Variants in PHKB observed in about 807,000 individuals in gnomAD.
The protein encoded by PHKB is phosphorylase kinase regulatory subunit beta.
PHKB carries 122 observed loss-of-function variants against 152.1 expected under a neutral mutation model. That is an observed-to-expected ratio of 0.80 (90% CI 0.69 to 0.93). The LOEUF (loss-of-function observed/expected upper bound fraction) is 0.93. Ranked by LOEUF, PHKB falls within the 40% of genes least tolerant of loss-of-function variation. PHKB has a pLI of 0.00. For missense variants in PHKB, 1,304 were observed against 1,328.4 expected (o/e 0.98, Z 0.29); for synonymous variants, 436 against 464.9 (o/e 0.94, Z 0.80).
chr16:47,592,927 C>T (rs563674975), intron 10 of PHKB, among the ~76,000 whole-genome samples: 47 of 152,196 alleles, frequency 3.1e-4, no homozygotes, highest in African/African-American at 1.1e-3. Flanking sequence ...TGACATATCG[C>T]CTAACTATAG....
At chr16:47,612,024 G>A (rs1191723195) in intron 14 of PHKB, among the ~76,000 whole-genome samples, 2 of 152,180 alleles carry the variant, frequency 1.3e-5, no homozygotes, top group Non-Finnish European at 2.9e-5. Context: ...GGAAGGAATA[G>A]TTTTTAAATT....
chr16:47,669,175 T>A (rs1471348591), intron 25 of PHKB, 40 bp from the exon 26 acceptor site: 2 of 1,489,178 alleles, frequency 1.3e-6, no homozygotes, highest in Non-Finnish European at 1.9e-6. Flanking sequence ...TATCTTTTAG[T>A]AGCTAGGAGA....
At chr16:47,663,814 A>G in intron 24 of PHKB, 80 bp downstream of exon 24, 1 of 856,522 alleles carries the variant, frequency 1.2e-6, no homozygotes, top group Non-Finnish European at 2.0e-6. Context: ...GACCAATATT[A>G]AAGATAGTTA....
intron 10 of PHKB, among the ~76,000 whole-genome samples, chr16:47,591,240 C>G (rs1196629112): frequency 1.3e-5 from 2 of 152,126 alleles, no homozygotes; most frequent in Non-Finnish European, 2.9e-5. Flanking sequence ...CTTCCTCAGC[C>G]CTTTCCCTGT....
intron 20 of PHKB, among the ~76,000 whole-genome samples, chr16:47,656,889 C>T (rs554331287): frequency 1.3e-5 from 2 of 152,284 alleles, no homozygotes; most frequent in South Asian, 4.1e-4. Flanking sequence ...GCTAGCCATG[C>T]TTTCCATGCC....
At chr16:47,462,987 T>A (rs2151624355) in intron 1 of PHKB, 1 of 152,752 alleles carries the variant, frequency 6.5e-6, no homozygotes, top group South Asian at 2.1e-4. Context: ...ATTGTTTTTG[T>A]GTGATATAGA....
At chr16:47,538,443 G>T (rs796604221) in intron 6 of PHKB, among the ~76,000 whole-genome samples, 11 of 152,324 alleles carry the variant, frequency 7.2e-5, no homozygotes, top group African/African-American at 2.6e-4. Context: ...TGGGTGAAGA[G>T]ATTCTGGAAT....
chr16:47,539,735 A>G (rs1305418024), intron 6 of PHKB, among the ~76,000 whole-genome samples: 1 of 152,182 alleles, frequency 6.6e-6, no homozygotes, highest in Non-Finnish European at 1.5e-5. Flanking sequence ...TGAAGATTTC[A>G]TGGGCATTTA....
In PHKB at chr16:47,650,652, C is replaced by T. The variant is rs374028170; in HGVS notation, c.1880+26C>T. On this transcript the variant is annotated intron_variant, in intron 19 of 30. Transcript: ENST00000323584. ...GTAGGTTGATAAAAGAAGTAAGGTA[C>T]GTGTGTCTCACTGACATGAACACAG... 2.1e-5 allele frequency: 31 copies of T among 1,474,196 alleles called. No individual in the cohort carries two copies. In the African/African-American group the frequency reaches 3.2e-4, roughly 15 times the overall value. 91.3% of individuals were successfully genotyped at this position (1,474,196 alleles called of 1,614,324 possible).
chr16:47,473,266 G>A (rs1969811437), intron 1 of PHKB, among the ~76,000 whole-genome samples: 1 of 88,704 alleles, frequency 1.1e-5, no homozygotes, highest in Non-Finnish European at 2.1e-5. Flanking sequence ...GTAGAGACAA[G>A]TCCTCACTAT....
At chr16:47,597,684 T>TC (rs1034125314) in intron 13 of PHKB, 1 of 149,898 alleles carries the variant, frequency 6.7e-6, no homozygotes, top group Admixed American at 6.6e-5. Context: ...TTTTCTTTTT[T>TC]TTTTTTTTTT....
chr16:47,639,373 A>G (rs1035446957), intron 14 of PHKB, among the ~76,000 whole-genome samples: 4 of 152,228 alleles, frequency 2.6e-5, no homozygotes, highest in African/African-American at 9.6e-5. Context: ...AGTGAAAGGA[A>G]GAGAGTTTTA....
chr16:47,559,443 A>G lies in PHKB; in HGVS notation c.710+11895A>G, dbSNP rs541541858. Among the ~76,000 whole-genome samples, 4 of 152,274 alleles carry G rather than the reference A, an allele frequency of 2.6e-5. No individual in the cohort carries two copies. The East Asian group carries it at 7.7e-4, about 29-fold the overall frequency. On this transcript the variant is annotated intron_variant, in intron 7 of 30. Coordinates refer to ENST00000323584, the MANE Select transcript of PHKB (RefSeq NM_000293.3). ...CAATCTTTTATTATTATTGTCTTAC[A>G]TTATTATTTATTATTAAGATGGTAG...
intron 1 of PHKB, among the ~76,000 whole-genome samples, chr16:47,475,582 C>G (rs530366390): frequency 6.6e-6 from 1 of 152,206 alleles, no homozygotes; most frequent in East Asian, 1.9e-4. Context: ...AGATGGAACT[C>G]TAGAGAAAAT....
At chr16:47,633,580 G>A (rs961055293) in intron 14 of PHKB, among the ~76,000 whole-genome samples, 1 of 152,172 alleles carries the variant, frequency 6.6e-6, no homozygotes, top group African/African-American at 2.4e-5. Context: ...TGGTGTTTGG[G>A]GGAGTTTGGG....
chr16:47,533,030 G>T (rs1412699656), intron 6 of PHKB, among the ~76,000 whole-genome samples: 2 of 152,178 alleles, frequency 1.3e-5, no homozygotes, highest in Non-Finnish European at 1.5e-5. Context: ...GCAGGGAGGA[G>T]ACCATGGAGT....
chr16:47,527,362 G>A (rs1187228201), intron 6 of PHKB, among the ~76,000 whole-genome samples: 5 of 151,978 alleles, frequency 3.3e-5, no homozygotes, highest in Admixed American at 6.6e-5. Flanking sequence ...TATAAAGGTA[G>A]GATAGAGACT....
Position 47,596,461 on chromosome 16 carries a change from T to C in PHKB, c.1293T>C (p.Pro431=), listed in dbSNP as rs1255903297. ...ACCCTGGTAGTCAAAAACGATTTCC[T>C]AGCAACTGTGGCCGTGATGGAAAAC... The part of the protein sequence containing the change: ...KNNPGSQKRF[P]SNCGRDGKLF... The change falls in exon 13 of 31, where the codon CCT becomes CCC. Residue 431 remains proline, a synonymous_variant. Coordinates refer to ENST00000323584, the MANE Select transcript of PHKB (RefSeq NM_000293.3). The C allele has an allele frequency of 6.2e-7, 1 of 1,613,862 alleles. No individual in the cohort carries two copies. Among genetic ancestry groups the C allele is most frequent in the Non-Finnish European group, 8.5e-7 (1 of 1,179,748 alleles).
intron 6 of PHKB, among the ~76,000 whole-genome samples, chr16:47,537,303 T>C (rs1176725183): frequency 6.6e-6 from 1 of 152,236 alleles, no homozygotes; most frequent in African/African-American, 2.4e-5. Flanking sequence ...TGAATTATGC[T>C]TAAGAGGTTG....
Sources: gnomAD v4.1 joint callset for allele counts (sites outside exome capture counted in the v4.1 genomes callset) on GRCh38, gnomAD v4.1.1 for gene constraint, MANE v1.5 for transcripts, NCBI Gene and HGNC (gene_info 2026-07-23, HGNC 2026-07-21) for gene names.